PLXNA2: variants seen among roughly 807,000 people sequenced by gnomAD.
The protein encoded by PLXNA2 is plexin A2.
A neutral mutation model predicts 193.5 loss-of-function variants in PLXNA2; 91 were observed. The observed-to-expected ratio is 0.47, with a 90% CI of 0.40 to 0.56. The LOEUF is 0.56. PLXNA2 is among the 20% of genes least tolerant of loss of function. PLXNA2 has a pLI of 0.00. For missense variants in PLXNA2, 1,995 were observed against 2,503.2 expected (o/e 0.80, Z 4.33); for synonymous variants, 997 against 1,027.3 (o/e 0.97, Z 0.56).
At chr1:208,034,660 G>C in intron 26 of PLXNA2, 68 bp from the exon 27 acceptor site, 1 of 970,106 alleles carries the variant, frequency 1.0e-6, no homozygotes, top group Non-Finnish European at 1.7e-6. Context: ...GGATAGTCAA[G>C]TATTTCTAGA....
intron 5 of PLXNA2, among the ~76,000 whole-genome samples, chr1:208,102,189 TC>T (rs1667118079): frequency 6.6e-6 from 1 of 152,112 alleles, no homozygotes; most frequent in Non-Finnish European, 1.5e-5. Context: ...CCTCCCTCCC[TC>T]CAGAGCCCTC....
chr1:208,101,826 A>G (rs940370536), intron 5 of PLXNA2, among the ~76,000 whole-genome samples: 2 of 152,298 alleles, frequency 1.3e-5, no homozygotes, highest in African/African-American at 4.8e-5. Context: ...ACCGCTGGAC[A>G]TGACCACTGC....
intron 1 of PLXNA2, among the ~76,000 whole-genome samples, chr1:208,220,649 G>C (rs1415459872): frequency 6.8e-6 from 1 of 146,634 alleles, no homozygotes; most frequent in Admixed American, 6.8e-5. Context: ...TCACCATGTT[G>C]GTCACACTGC....
At chr1:208,155,723 A>G (rs1307167117) in intron 3 of PLXNA2, among the ~76,000 whole-genome samples, 2 of 150,636 alleles carry the variant, frequency 1.3e-5, no homozygotes, top group African/African-American at 4.9e-5. Flanking sequence ...GACTTGTCCC[A>G]CCCTCCCTGC....
chr1:208,067,381 T>C (rs946105335), intron 12 of PLXNA2, among the ~76,000 whole-genome samples: 1 of 151,772 alleles, frequency 6.6e-6, no homozygotes, highest in Non-Finnish European at 1.5e-5. Flanking sequence ...CTAAGGTTAA[T>C]TTATAATTAA....
At chr1:208,052,519 C>T in intron 14 of PLXNA2, 56 bp from the exon 15 acceptor site, 1 of 1,569,742 alleles carries the variant, frequency 6.4e-7, no homozygotes, top group East Asian at 2.2e-5. Context: ...AAAGGATGGA[C>T]CATGGTTAGA....
At position 208,026,255 on chromosome 1, in the gene PLXNA2, T is replaced by C. The variant is rs892186533; in HGVS notation, c.*988A>G. On this transcript the variant is annotated 3_prime_UTR_variant, in exon 32 of 32. Transcript: ENST00000367033. Reference sequence around the variant, plus strand: ...GCCTGGTTTATGACAGGGATTGATATGAGGCAGGGCTGCCAGGTGTCTGGT... The same window carrying C: ...GCCTGGTTTATGACAGGGATTGATACGAGGCAGGGCTGCCAGGTGTCTGGT... 6.6e-6 allele frequency: 1 copy of C among 152,240 alleles called. No homozygotes were observed. The highest frequency in any genetic ancestry group is 6.5e-5 in the Admixed American group (1 of 15,276). 9.4% of individuals were successfully genotyped at this position (152,240 alleles called of 1,614,324 possible). A position where few individuals can be genotyped will look rare whatever the true frequency, so the allele number is the denominator to read the frequency against.
rs1475852376 is a variant in PLXNA2 at position 208,044,235 on chromosome 1, G to A, written c.3874+273C>T. Among the ~76,000 whole-genome samples, 1 of 152,248 alleles carries A rather than the reference G, an allele frequency of 6.6e-6. No individual in the cohort carries two copies. The highest frequency in any genetic ancestry group is 2.4e-5 in the African/African-American group (1 of 41,460). ...TGTGGGGACATTGAGGCCCTGAGAG[G>A]GAGAAAGTGTTTGCCAGATTGTGGG... On this transcript the variant is annotated intron_variant, in intron 20 of 31. Transcript: ENST00000367033. This position sits in a 1 kb window ranked among gnomAD's most constrained non-coding sequence, Gnocchi z 4.9.
In PLXNA2 at chr1:208,128,986, C is replaced by A. The variant is rs187034355; in HGVS notation, c.1506+13343G>T. On this transcript the variant is annotated intron_variant, in intron 4 of 31. Coordinates refer to ENST00000367033, the MANE Select transcript of PLXNA2 (RefSeq NM_025179.4). ...CTGGGATTACAGGCGTGAGCCACTG[C>A]GCCCAGCCCTAGTGTTTCTTGAGTA... Among the ~76,000 whole-genome samples the A allele has an allele frequency of 2.2e-3, 330 of 152,288 alleles. 1 individual carries two copies. The highest frequency in any genetic ancestry group is 3.6e-3 in the Non-Finnish European group (243 of 68,018).
intron 1 of PLXNA2, among the ~76,000 whole-genome samples, chr1:208,221,281 TAGTTCCTTC>T (rs1671323678): frequency 6.6e-6 from 1 of 152,186 alleles, no homozygotes; most frequent in Non-Finnish European, 1.5e-5. Flanking sequence ...CCTCGAAGCT[TAGTTCCTTC>T]AGTTCCTGGA....
intron 3 of PLXNA2, among the ~76,000 whole-genome samples, chr1:208,190,353 A>G (rs571914743): frequency 1.3e-5 from 2 of 152,340 alleles, no homozygotes; most frequent in African/African-American, 4.8e-5. Flanking sequence ...GTTGTTTAAT[A>G]ACTGCATATT....
intron 12 of PLXNA2, among the ~76,000 whole-genome samples, chr1:208,064,077 C>T (rs1665704881): frequency 6.6e-6 from 1 of 152,174 alleles, no homozygotes; most frequent in African/African-American, 2.4e-5. Flanking sequence ...ATGCACCCAG[C>T]CAGGAATTCT....
chr1:208,239,045 A>G (rs1671958817), intron 1 of PLXNA2, among the ~76,000 whole-genome samples: 1 of 152,118 alleles, frequency 6.6e-6, no homozygotes, highest in Non-Finnish European at 1.5e-5. Context: ...CTGCAAACAG[A>G]CAGAGGCCCA....
chr1:208,103,536 G>C (rs890041455), intron 4 of PLXNA2, among the ~76,000 whole-genome samples: 1 of 152,174 alleles, frequency 6.6e-6, no homozygotes, highest in Non-Finnish European at 1.5e-5. Context: ...CCGAGAGCTG[G>C]GCAAGCCAGT....
intron 3 of PLXNA2, among the ~76,000 whole-genome samples, chr1:208,194,811 G>A (rs2102571410): frequency 6.6e-6 from 1 of 152,288 alleles, no homozygotes; most frequent in South Asian, 2.1e-4. Flanking sequence ...AATCTCCACT[G>A]TTCTAGTATT....
intron 4 of PLXNA2, among the ~76,000 whole-genome samples, chr1:208,117,035 G>A (rs1051270113): frequency 2.0e-4 from 30 of 152,298 alleles, no homozygotes; most frequent in African/African-American, 7.0e-4. Context: ...GCCGGGTGTG[G>A]TGGTGCATGC....
Position 208,045,150 on chromosome 1 carries a change from C to A in PLXNA2, c.3556G>T (p.Gly1186Ter). The A allele has an allele frequency of 6.2e-7, 1 of 1,614,094 alleles. No individual in the cohort carries two copies. Among genetic ancestry groups the A allele is most frequent in the Non-Finnish European group, 8.5e-7 (1 of 1,180,010 alleles). ...ACGGTGACAGCACAAGGGGTCTCTC[C>A]GATGAGCACAGTGTAGTTGAGTTTG... ...GAKLNYTVLI[G>*]ETPCAVTVSE... Residue 1186 changes from glycine to a stop codon, truncating the protein, a stop_gained, in exon 19 of 32, where the codon GGA becomes TGA. Coordinates refer to ENST00000367033, the MANE Select transcript of PLXNA2 (RefSeq NM_025179.4). LOFTEE classifies it high-confidence loss of function.
intron 11 of PLXNA2, 58 bp from the exon 12 acceptor site, chr1:208,079,508 C>T: frequency 7.6e-7 from 1 of 1,316,722 alleles, no homozygotes; most frequent in Non-Finnish European, 1.1e-6. Flanking sequence ...ACAATGCACC[C>T]TCCTCTTGCA....
At chr1:208,142,586 G>C (rs1374152202) in intron 3 of PLXNA2, 123 bp from the exon 4 acceptor site, 4 of 901,342 alleles carry the variant, frequency 4.4e-6, no homozygotes, top group Non-Finnish European at 6.4e-6. Flanking sequence ...CTACTCCATA[G>C]ACTGAAGTGC....
Sources: allele counts gnomAD v4.1 joint callset (sites outside exome capture counted in the v4.1 genomes callset), GRCh38; gene constraint gnomAD v4.1.1; non-coding constraint Gnocchi (gnomAD v3.1); transcripts MANE v1.5; gene names NCBI Gene and HGNC (gene_info 2026-07-23, HGNC 2026-07-21).